The following PPP1R7 variants were observed in gnomAD, a reference collection of about 807,000 sequenced individuals.
The protein encoded by PPP1R7 is protein phosphatase 1 regulatory subunit 7, also known as protein phosphatase 1 regulatory subunit 22.
A neutral mutation model predicts 45.2 loss-of-function variants in PPP1R7; 18 were observed. That is an observed-to-expected ratio of 0.40 (90% confidence interval 0.28 to 0.59). The LOEUF is 0.59. Ranked by LOEUF, PPP1R7 falls within the 20% of genes least tolerant of loss-of-function variation. PPP1R7 has a pLI of 0.46. For missense variants in PPP1R7, 314 were observed against 455.8 expected, an observed-to-expected ratio of 0.69 and a Z score of 2.83; for synonymous variants, 181 against 183.4, an observed-to-expected ratio of 0.99 and a Z score of 0.11.
intron 4 of PPP1R7, 58 bp from the exon 5 acceptor site, chr2:241,159,155 A>G: frequency 6.3e-7 from 1 of 1,580,546 alleles, no homozygotes; most frequent in Non-Finnish European, 8.7e-7. Flanking sequence ...GTATCAGCTG[A>G]GGCCTTCTCG....
intron 9 of PPP1R7, among the ~76,000 whole-genome samples, chr2:241,180,711 G>A (rs183590344): frequency 1.1e-4 from 15 of 138,576 alleles, no homozygotes; most frequent in Admixed American, 1.0e-3. Flanking sequence ...TAACAGAGTA[G>A]CATTTAAGAA....
intron 1 of PPP1R7, among the ~76,000 whole-genome samples, chr2:241,150,837 C>T (rs1247845755): frequency 6.6e-6 from 1 of 152,122 alleles, no homozygotes; most frequent in Non-Finnish European, 1.5e-5. Flanking sequence ...CCATTCAGTC[C>T]AGTTGGAGCC....
At chr2:241,178,798 C>A (rs1361884568) in intron 9 of PPP1R7, among the ~76,000 whole-genome samples, 1 of 145,200 alleles carries the variant, frequency 6.9e-6, no homozygotes, top group African/African-American at 2.6e-5. Flanking sequence ...GTGCCTGTGT[C>A]TGGCAGCCTC....
chr2:241,153,309 A>G (rs910640944), intron 1 of PPP1R7, among the ~76,000 whole-genome samples, 167 bp from the exon 2 acceptor site: 1 of 152,172 alleles, frequency 6.6e-6, no homozygotes, highest in African/African-American at 2.4e-5. Context: ...CCGCGGCCAT[A>G]TGCCTCAAAT....
chr2:241,158,333 G>A (rs776378829), intron 3 of PPP1R7, 151 bp from the exon 4 acceptor site: 31 of 685,734 alleles, frequency 4.5e-5, no homozygotes, highest in Non-Finnish European at 6.8e-5. Context: ...AAGAGCCCCC[G>A]CAGCACACCT....
intron 2 of PPP1R7, among the ~76,000 whole-genome samples, chr2:241,155,659 G>A (rs2067438781): frequency 6.6e-6 from 1 of 152,186 alleles, no homozygotes; most frequent in African/African-American, 2.4e-5. Context: ...CCTGCTGGCT[G>A]TATTACAAAC....
At chr2:241,161,485 A>G (rs1020209692) in intron 6 of PPP1R7, among the ~76,000 whole-genome samples, 1 of 152,086 alleles carries the variant, frequency 6.6e-6, no homozygotes, top group Non-Finnish European at 1.5e-5. Flanking sequence ...GCTTTAGAAA[A>G]CCTCTTGATG....
rs181180619 is a variant in PPP1R7, at chr2:241,157,269, A to C, written c.182-538A>C. ...TGTTTTGTTTTGTTTTGCTCTTTGC[A>C]GAGGGAAGTGTTTGTAGATGCTGGG... On this transcript the variant is annotated intron_variant, in intron 2 of 9. Transcript: ENST00000234038. 2.6e-5 allele frequency among the ~76,000 whole-genome samples: 4 copies of C among 152,282 alleles called. No homozygotes were observed. In the East Asian group the frequency reaches 7.7e-4, roughly 29 times the overall value.
In PPP1R7 at chr2:241,150,471, TCC is replaced by T; in HGVS notation, c.-24_-23del. On this transcript the variant is annotated 5_prime_UTR_variant, in exon 1 of 10. Transcript: ENST00000234038. ...GGCTGAGGGGTCTGAGGCGACAGAT[TCC>T]GGAAAGGGGAAGAGCAGCCAACATG... 6.3e-7 allele frequency: 1 copy of T among 1,584,668 alleles called. No individual in the cohort carries two copies. The highest frequency in any genetic ancestry group is 8.6e-7 in the Non-Finnish European group (1 of 1,166,810).
rs529202848 is a variant in PPP1R7 at position 241,163,506 on chromosome 2, C to T, written c.714+105C>T. ...TTCACTGCCTTCACAATTGGCACTT[C>T]GTTGCACTATTAGTAAGCAATTGAA... is the stretch of plus-strand genomic sequence containing the variant. On this transcript the variant is annotated intron_variant, in intron 7 of 9. Coordinates refer to ENST00000234038, the MANE Select transcript of PPP1R7 (RefSeq NM_002712.3). 4.2e-5 allele frequency: 32 copies of T among 761,120 alleles called. No individual in the cohort carries two copies. The East Asian group carries it at 5.9e-4, about 14-fold the overall frequency. The allele number at this position is 761,120 out of a possible 1,614,324, so 47.1% of individuals were successfully genotyped here. A position where few individuals can be genotyped will look rare whatever the true frequency, so the allele number is the denominator to read the frequency against.
intron 8 of PPP1R7, among the ~76,000 whole-genome samples, chr2:241,167,421 G>A (rs974549797): frequency 6.6e-6 from 1 of 152,164 alleles, no homozygotes; most frequent in Non-Finnish European, 1.5e-5. Context: ...TGCAAACCAA[G>A]TGTTCACCTG....
At chr2:241,149,724 C>T, upstream of PPP1R7, 1 of 1,549,036 alleles carries the variant, frequency 6.5e-7, no homozygotes, top group South Asian at 1.2e-5. Context: ...TAGCGCAGAG[C>T]TCGCCTCTTG....
At chr2:241,152,761 TA>T (rs957156621) in intron 1 of PPP1R7, among the ~76,000 whole-genome samples, 6 of 152,140 alleles carry the variant, frequency 3.9e-5, no homozygotes, top group African/African-American at 9.7e-5. Context: ...AGTAAAGTTA[TA>T]AAAAAGAAAA....
chr2:241,149,907 C>T (rs371007685), upstream of PPP1R7: 1,714 of 1,435,754 alleles, frequency 1.2e-3, 13 homozygotes, highest in African/African-American at 0.022. Flanking sequence ...AGCGCAAGTG[C>T]CCCGCACCTG....
chr2:241,180,388 TAAAAAAAAA>T (rs58267372), intron 9 of PPP1R7, among the ~76,000 whole-genome samples: 6 of 100,000 alleles, frequency 6.0e-5, no homozygotes, highest in African/African-American at 2.9e-4. Context: ...GCTGGTGAGC[TAAAAAAAAA>T]AAAAAAAAAA....
intron 6 of PPP1R7, among the ~76,000 whole-genome samples, chr2:241,161,123 G>C (rs1224149081): frequency 7.7e-6 from 1 of 130,674 alleles, no homozygotes; most frequent in Non-Finnish European, 1.6e-5. Flanking sequence ...GGAGTGAATT[G>C]ATGTACATAC....
At chr2:241,172,673 A>G (rs1261177522) in intron 9 of PPP1R7, among the ~76,000 whole-genome samples, 4 of 152,066 alleles carry the variant, frequency 2.6e-5, no homozygotes, top group Non-Finnish European at 4.4e-5. Context: ...TTTAAAAACA[A>G]GAAAACTCAC....
In PPP1R7 at chr2:241,160,471, G is replaced by C; in HGVS notation, c.574G>C (p.Glu192Gln). Residue 192 changes from glutamate (E) to glutamine (Q), a missense_variant, in exon 6 of 10, where the codon GAG (glutamate) becomes CAG (glutamine). Coordinates refer to ENST00000234038, the MANE Select transcript of PPP1R7 (RefSeq NM_002712.3). Reference protein sequence around the residue: ...LSNLHQLQMLELGSNRIRAIE... With the variant: ...LSNLHQLQMLQLGSNRIRAIE... ...CAACTTACATCAACTACAGATGCTA[G>C]AGCTGGGATCTAACCGCATCCGGGT... 1 of 1,609,292 alleles carries C rather than the reference G, an allele frequency of 6.2e-7. No individual in the cohort carries two copies. Among genetic ancestry groups the C allele is most frequent in the Non-Finnish European group, 8.5e-7 (1 of 1,178,500 alleles).
chr2:241,157,459 T>C (rs1451740405), intron 2 of PPP1R7, among the ~76,000 whole-genome samples: 2 of 152,220 alleles, frequency 1.3e-5, no homozygotes, highest in Non-Finnish European at 2.9e-5. Flanking sequence ...AAGGCAGTAG[T>C]GCTACCCTGC....
Sources: gnomAD v4.1 joint callset for allele counts (sites outside exome capture counted in the v4.1 genomes callset) on GRCh38, gnomAD v4.1.1 for gene constraint, MANE v1.5 for transcripts, NCBI Gene and HGNC (gene_info 2026-07-23, HGNC 2026-07-21) for gene names.